BCAS3: variants seen among roughly 807,000 people sequenced by gnomAD.
The protein encoded by BCAS3 is BCAS3 microtubule associated cell migration factor, also known as BCAS4/BCAS3 fusion.
A neutral mutation model predicts 116.1 loss-of-function variants in BCAS3; 53 were observed. The observed-to-expected ratio is 0.46, with a 90% CI of 0.37 to 0.57. The LOEUF (loss-of-function observed/expected upper bound fraction) is 0.57, where lower values mean the gene tolerates loss of function less well. Among genes scored for constraint, BCAS3 ranks in the 20% least tolerant of loss-of-function variants. The probability of loss-of-function intolerance (pLI) is 0.00; values close to 1 mark genes in which losing one functional copy is unlikely to be tolerated. For synonymous variants in BCAS3, 391 were observed against 408.2 expected, an observed-to-expected ratio of 0.96 and a Z score of 0.51; for missense variants, 917 against 1,165.4, an observed-to-expected ratio of 0.79 and a Z score of 3.10.
chr17:61,323,500 A>C lies in BCAS3; in HGVS notation c.2426-44827A>C, dbSNP rs1411129840. Among the ~76,000 whole-genome samples the C allele has an allele frequency of 2.0e-5, 3 of 152,208 alleles. No homozygotes were observed. Among genetic ancestry groups the C allele is most frequent in the African/African-American group, 7.2e-5 (3 of 41,450 alleles). On this transcript the variant is annotated intron_variant, in intron 22 of 23. Coordinates refer to ENST00000407086, the MANE Select transcript of BCAS3 (RefSeq NM_017679.5). This position sits in a 1 kb window ranked among gnomAD's most constrained non-coding sequence, Gnocchi z 4.6. ...TTTTCTACTCTGTGAACTGAAGCTAATTTCTCCTACCTGGGAGGATTGATA... is the reference window on the plus strand; with the variant it reads ...TTTTCTACTCTGTGAACTGAAGCTACTTTCTCCTACCTGGGAGGATTGATA...
At chr17:60,936,343 G>T (rs2059925110) in intron 13 of BCAS3, among the ~76,000 whole-genome samples, 1 of 151,328 alleles carries the variant, frequency 6.6e-6, no homozygotes, top group African/African-American at 2.4e-5. Context: ...CTTTATAGCA[G>T]CATGATTTAT....
intron 22 of BCAS3, among the ~76,000 whole-genome samples, chr17:61,275,149 C>A (rs569639219): frequency 1.3e-5 from 2 of 152,254 alleles, no homozygotes; most frequent in East Asian, 3.9e-4. Context: ...CTGCACCCAA[C>A]CCTGAAATCT....
rs551944835 is a variant in BCAS3 at position 61,109,346 on chromosome 17, C to T, written c.2425+24782C>T. On this transcript the variant is annotated intron_variant, in intron 22 of 23. Coordinates refer to ENST00000407086, the MANE Select transcript of BCAS3 (RefSeq NM_017679.5). The stretch of plus-strand genomic sequence containing the variant: ...ACGCCACATTTTCTTTATCTACTCG[C>T]TGATTAATGGGAATTTGGTTTGGTT... Among the ~76,000 whole-genome samples the T allele has an allele frequency of 6.6e-5, 10 of 151,210 alleles. No homozygotes were observed. In the South Asian group the frequency reaches 2.1e-3, roughly 32 times the overall value.
Position 60,702,300 on chromosome 17 carries a change from T to C in BCAS3, c.215-6919T>C, listed in dbSNP as rs1463382246. Among the ~76,000 whole-genome samples, 6 of 152,254 alleles carry C rather than the reference T, an allele frequency of 3.9e-5. No individual in the cohort carries two copies. In the East Asian group the frequency reaches 1.2e-3, roughly 29 times the overall value. ...TTAAAATCATCTCTGGTGAGCAGTT[T>C]ATCTTTCTAGTAAATTGCTGTGTCA... is the stretch of plus-strand genomic sequence containing the variant. On this transcript the variant is annotated intron_variant, in intron 4 of 23. Coordinates refer to ENST00000407086, the MANE Select transcript of BCAS3 (RefSeq NM_017679.5).
intron 22 of BCAS3, among the ~76,000 whole-genome samples, chr17:61,318,372 T>C (rs886109665): frequency 6.6e-6 from 1 of 152,214 alleles, no homozygotes; most frequent in Non-Finnish European, 1.5e-5. Flanking sequence ...TCTGCACTCC[T>C]TGGTGGCGAT....
intron 22 of BCAS3, among the ~76,000 whole-genome samples, chr17:61,127,356 CGTGT>C (rs983282262): frequency 1.3e-4 from 19 of 151,406 alleles, no homozygotes; most frequent in African/African-American, 4.6e-4. Flanking sequence ...AGTGTTTTCT[CGTGT>C]AAGTGAGGGT....
chr17:60,854,916 T>C, intron 7 of BCAS3, among the ~76,000 whole-genome samples: 1 of 152,156 alleles, frequency 6.6e-6, no homozygotes, highest in Admixed American at 6.5e-5. Context: ...AAATGGATTA[T>C]TATTCTTATT....
Position 60,990,527 on chromosome 17 carries a change from C to G in BCAS3, c.1486+292C>G, listed in dbSNP as rs117071597. ...TTTATAACTTCAGAGAACTGAACAT[C>G]CTTTTTACTTATCTCTTCCAGAACA... On this transcript the variant is annotated intron_variant, in intron 15 of 23. Transcript: ENST00000407086. The surrounding 1 kb of genome is among the most constrained non-coding windows in gnomAD (Gnocchi z 5.1). 6.6e-6 allele frequency among the ~76,000 whole-genome samples: 1 copy of G among 152,068 alleles called. No homozygotes were observed. Among genetic ancestry groups the G allele is most frequent in the Non-Finnish European group, 1.5e-5 (1 of 68,024 alleles).
intron 14 of BCAS3, among the ~76,000 whole-genome samples, chr17:60,973,248 G>A (rs1376874783): frequency 2.6e-5 from 4 of 152,140 alleles, no homozygotes; most frequent in African/African-American, 9.6e-5. Context: ...GGGGAGAAAG[G>A]GCACCATCAG....
At chr17:61,335,685 C>T (rs1487146947) in intron 22 of BCAS3, among the ~76,000 whole-genome samples, 2 of 152,162 alleles carry the variant, frequency 1.3e-5, no homozygotes, top group African/African-American at 4.8e-5. Context: ...AAGTTCAAGA[C>T]CAGCCTGGGC....
In BCAS3 at chr17:61,084,703, T is replaced by C. The variant is rs1007130544; in HGVS notation, c.2425+139T>C. Reference sequence around the variant, plus strand: ...GTGGTGTGTGTGCATTTTAATACAGTACTGTGCCTATATTTCTTGCTGAAC... The same window carrying C: ...GTGGTGTGTGTGCATTTTAATACAGCACTGTGCCTATATTTCTTGCTGAAC... On this transcript the variant is annotated intron_variant, in intron 22 of 23. Coordinates refer to ENST00000407086, the MANE Select transcript of BCAS3 (RefSeq NM_017679.5). The surrounding 1 kb of genome is among the most constrained non-coding windows in gnomAD (Gnocchi z 5.5). 4.2e-6 allele frequency: 3 copies of C among 719,160 alleles called. No homozygotes were observed. The highest frequency in any genetic ancestry group is 3.6e-5 in the African/African-American group (2 of 56,230). The allele number at this position is 719,160 out of a possible 1,614,324, so 44.5% of individuals were successfully genotyped here. A position where few individuals can be genotyped will look rare whatever the true frequency, so the allele number is the denominator to read the frequency against.
In BCAS3 at chr17:61,118,175, T is replaced by C. The variant is rs1601388497; in HGVS notation, c.2425+33611T>C. On this transcript the variant is annotated intron_variant, in intron 22 of 23. Transcript: ENST00000407086. This position sits in a 1 kb window ranked among gnomAD's most constrained non-coding sequence, Gnocchi z 5.0. ...TCTGGTATCACAATGGCAGGGGAAG[T>C]AGGATGTTCTACCTCGTTTCTGCCA... Among the ~76,000 whole-genome samples the C allele has an allele frequency of 6.6e-6, 1 of 152,292 alleles. No individual in the cohort carries two copies. The highest frequency in any genetic ancestry group is 1.9e-4 in the East Asian group (1 of 5,182).
chr17:60,693,632 C>T (rs1055213423), intron 4 of BCAS3, among the ~76,000 whole-genome samples: 1 of 151,466 alleles, frequency 6.6e-6, no homozygotes, highest in African/African-American at 2.4e-5. Context: ...AAACTGGTCT[C>T]AAACTCCTGG....
chr17:61,296,974 A>G lies in BCAS3; in HGVS notation c.2426-71353A>G, dbSNP rs534722933. Among the ~76,000 whole-genome samples, 6 of 152,314 alleles carry G rather than the reference A, an allele frequency of 3.9e-5. No individual in the cohort carries two copies. The East Asian group carries it at 7.7e-4, about 20-fold the overall frequency. On this transcript the variant is annotated intron_variant, in intron 22 of 23. Coordinates refer to ENST00000407086, the MANE Select transcript of BCAS3 (RefSeq NM_017679.5). Reference sequence around the variant, plus strand: ...CCCTTGGAATTTTAAACAAGGTAATATGATCAACACGTGTTTCGGAAAACC... The same window carrying G: ...CCCTTGGAATTTTAAACAAGGTAATGTGATCAACACGTGTTTCGGAAAACC...
intron 22 of BCAS3, among the ~76,000 whole-genome samples, chr17:61,194,884 GTTC>G: frequency 6.6e-6 from 1 of 152,162 alleles, no homozygotes; most frequent in East Asian, 1.9e-4. Flanking sequence ...CTATTTGTCA[GTTC>G]TTCTATTCTG....
At chr17:60,952,712 A>T (rs1169841749) in intron 14 of BCAS3, among the ~76,000 whole-genome samples, 2 of 152,100 alleles carry the variant, frequency 1.3e-5, no homozygotes, top group African/African-American at 4.8e-5. Flanking sequence ...TTATTTTGCC[A>T]TTCAGGTACT....
chr17:60,728,689 A>G (rs1465711006), intron 5 of BCAS3, among the ~76,000 whole-genome samples: 1 of 152,054 alleles, frequency 6.6e-6, no homozygotes. Flanking sequence ...CATGTTGGTC[A>G]GGCTGGTCTC....
chr17:61,233,940 C>G lies in BCAS3; in HGVS notation c.2426-134387C>G, dbSNP rs73991576. ...CAGCTGTGGCATTCCATCCATTATT[C>G]TAATTAATGTGAATTGAGTATTACT... On this transcript the variant is annotated intron_variant, in intron 22 of 23. Transcript: ENST00000407086. The surrounding 1 kb of genome is among the most constrained non-coding windows in gnomAD (Gnocchi z 4.3). 0.022 allele frequency among the ~76,000 whole-genome samples: 3,303 copies of G among 150,570 alleles called. 115 individuals carry two copies. Among genetic ancestry groups the G allele is most frequent in the African/African-American group, 0.076 (3,118 of 41,038 alleles).
intron 22 of BCAS3, among the ~76,000 whole-genome samples, chr17:61,274,938 A>T (rs2144645846): frequency 1.3e-5 from 2 of 152,240 alleles, no homozygotes; most frequent in African/African-American, 4.8e-5. Context: ...GGCTCACTTC[A>T]GCCTCTATCT....
Sources: gnomAD v4.1 joint callset for allele counts (sites outside exome capture counted in the v4.1 genomes callset) on GRCh38, gnomAD v4.1.1 for gene constraint, Gnocchi (gnomAD v3.1) non-coding constraint, MANE v1.5 for transcripts, NCBI Gene and HGNC (gene_info 2026-07-23, HGNC 2026-07-21) for gene names.